The following SEMA3B variants were observed in gnomAD, a reference collection of about 807,000 sequenced individuals.
The protein encoded by SEMA3B is semaphorin-3B.
In SEMA3B, 71 loss-of-function variants were observed where a neutral mutation model predicts 77.8. The ratio of observed to expected loss-of-function variants is 0.91; its 90% CI spans 0.75 to 1.11. The LOEUF (loss-of-function observed/expected upper bound fraction) is 1.11, where lower values mean the gene tolerates loss of function less well. Ranked by LOEUF, SEMA3B falls within the 50% of genes most tolerant of loss-of-function variation. The pLI is 0.00. For synonymous variants in SEMA3B, 470 were observed against 452.9 expected (o/e 1.04, Z -0.48); for missense variants, 968 against 1,056.8 (o/e 0.92, Z 1.17).
In SEMA3B at chr3:50,275,231, G is replaced by T; in HGVS notation, c.1492-71G>T. ...TGTTCCCATCTGTCGAGTGGAAGAA[G>T]GGATCCCTGACCGATGGGAGGCAGG... On this transcript the variant is annotated intron_variant, in intron 13 of 16. Coordinates refer to ENST00000616701, the MANE Select transcript of SEMA3B (RefSeq NM_001290060.2). The surrounding 1 kb of genome is among the most constrained non-coding windows in gnomAD (Gnocchi z 7.5). The T allele has an allele frequency of 6.8e-7, 1 of 1,468,908 alleles. No homozygotes were observed. The highest frequency in any genetic ancestry group is 1.4e-5 in the South Asian group (1 of 73,360). 91.0% of individuals were successfully genotyped at this position (1,468,908 alleles called of 1,614,324 possible).
chr3:50,268,969 G>C, upstream of SEMA3B: 1 of 535,070 alleles, frequency 1.9e-6, no homozygotes. Flanking sequence ...TGCCAGTGCA[G>C]GGTGACCCTG....
At chr3:50,271,851 C>T (rs1553705436) in intron 6 of SEMA3B, among the ~76,000 whole-genome samples, 1 of 150,322 alleles carries the variant, frequency 6.7e-6, no homozygotes, top group East Asian at 1.9e-4. Flanking sequence ...GCATTCCAGG[C>T]AGAGGGAGCA....
chr3:50,264,078 C>A (rs1046024708), upstream of SEMA3B, among the ~76,000 whole-genome samples: 7 of 152,020 alleles, frequency 4.6e-5, no homozygotes, highest in African/African-American at 1.7e-4. Flanking sequence ...GGCATGGTGG[C>A]ACATGCCTGT....
Position 50,273,047 on chromosome 3 carries a change from G to A in SEMA3B, c.665-251G>A, listed in dbSNP as rs956692529. On this transcript the variant is annotated intron_variant, in intron 6 of 16. Transcript: ENST00000616701. The surrounding 1 kb of genome is among the most constrained non-coding windows in gnomAD (Gnocchi z 6.5). The stretch of plus-strand genomic sequence containing the variant: ...TGGGGCGAGATCGGAGGCTAGCCGG[G>A]CTTCACGCCTGCGCCCCCAGGTAGC... The A allele has an allele frequency of 2.0e-5, 10 of 502,156 alleles. No individual in the cohort carries two copies. Among genetic ancestry groups the A allele is most frequent in the Non-Finnish European group, 3.5e-5 (10 of 286,220 alleles). The allele number at this position is 502,156 out of a possible 1,614,324, so 31.1% of individuals were successfully genotyped here. A position where few individuals can be genotyped will look rare whatever the true frequency, so the allele number is the denominator to read the frequency against.
In SEMA3B at chr3:50,269,282, C is replaced by T. The variant is rs1700979660; in HGVS notation, c.42C>T (p.Ala14=). The T allele has an allele frequency of 1.9e-6, 3 of 1,538,862 alleles. No homozygotes were observed. The highest frequency in any genetic ancestry group is 1.7e-6 in the Non-Finnish European group (2 of 1,146,640). ...CTGCCGCCGTGATCCCGGGCCTGGC[C>T]CTGCTCTGGGCAGTGGGGCTGGGGA... ...AGAAAVIPGL[A]LLWAVGLGSA... is the part of the protein sequence containing the mutation. The change falls in exon 1 of 17, where the codon GCC becomes GCT. Residue 14 remains alanine, a synonymous_variant. Coordinates refer to ENST00000616701, the MANE Select transcript of SEMA3B (RefSeq NM_001290060.2). This position sits in a 1 kb window ranked among gnomAD's most constrained non-coding sequence, Gnocchi z 4.0.
At position 50,273,117 on chromosome 3, in the gene SEMA3B, C is replaced by T; in HGVS notation, c.665-181C>T. On this transcript the variant is annotated intron_variant, in intron 6 of 16. Transcript: ENST00000616701. This position sits in a 1 kb window ranked among gnomAD's most constrained non-coding sequence, Gnocchi z 6.5. Reference sequence around the variant, plus strand: ...TCGCGGCTGCTTCTTGCCTCGCAGGCCCTGATCCTTTGGATTCGGTCCGCG... The same window carrying T: ...TCGCGGCTGCTTCTTGCCTCGCAGGTCCTGATCCTTTGGATTCGGTCCGCG... 1 of 994,984 alleles carries T rather than the reference C, an allele frequency of 1.0e-6. No individual in the cohort carries two copies. Among genetic ancestry groups the T allele is most frequent in the South Asian group, 1.7e-5 (1 of 57,596 alleles). The allele number at this position is 994,984 out of a possible 1,614,324, so 61.6% of individuals were successfully genotyped here. A position where few individuals can be genotyped will look rare whatever the true frequency, so the allele number is the denominator to read the frequency against.
Position 50,269,253 on chromosome 3 carries a change from G to A in SEMA3B, c.13G>A (p.Gly5Arg), listed in dbSNP as rs1273908867. The change falls in exon 1 of 17, where the codon GGG (glycine) becomes AGG (arginine). Residue 5 changes from glycine to arginine, a missense_variant. By Grantham distance (125) the Gly-to-Arg change is moderately radical. Transcript: ENST00000616701. The surrounding 1 kb of genome is among the most constrained non-coding windows in gnomAD (Gnocchi z 4.0). MGRA[G>R]AAAVIPGLAL... is the part of the protein sequence containing the mutation. ...CTGAGCTGCTGAGATGGGGCGGGCC[G>A]GGGCTGCCGCCGTGATCCCGGGCCT... 1.3e-5 allele frequency: 20 copies of A among 1,536,352 alleles called. No homozygotes were observed. Among genetic ancestry groups the A allele is most frequent in the African/African-American group, 8.2e-5 (6 of 73,136 alleles).
intron 6 of SEMA3B, 67 bp downstream of exon 6, chr3:50,271,547 C>A: frequency 6.5e-7 from 1 of 1,544,454 alleles, no homozygotes; most frequent in South Asian, 1.2e-5. Flanking sequence ...CCAAGCAAGG[C>A]CCATAAAGTA....
In SEMA3B at chr3:50,274,407, C is replaced by G; in HGVS notation, c.1182C>G (p.Phe394Leu). 6.6e-7 allele frequency: 1 copy of G among 1,508,900 alleles called. No individual in the cohort carries two copies. Among genetic ancestry groups the G allele is most frequent in the Non-Finnish European group, 8.9e-7 (1 of 1,129,856 alleles). The allele number at this position is 1,508,900 out of a possible 1,614,324, so 93.5% of individuals were successfully genotyped here. A position where few individuals can be genotyped will look rare whatever the true frequency, so the allele number is the denominator to read the frequency against. The change falls in exon 11 of 17, where the codon TTC (phenylalanine) becomes TTG (leucine). Residue 394 changes from phenylalanine to leucine, a missense_variant. Coordinates refer to ENST00000616701, the MANE Select transcript of SEMA3B (RefSeq NM_001290060.2). The surrounding 1 kb of genome is among the most constrained non-coding windows in gnomAD (Gnocchi z 4.7). ...TFGTFSSTKDFPDDVIQFARN... is the reference protein window; with the variant it reads ...TFGTFSSTKDLPDDVIQFARN... ...GCACCTTCAGTTCCACCAAGGACTT[C>G]CCAGACGATGTCATCCAGTTTGCGC...
rs1553706378 is a variant in SEMA3B, at chr3:50,275,428, G to A, written c.1618G>A (p.Ala540Thr). Residue 540 changes from alanine (A) to threonine (T), a missense_variant, in exon 14 of 17, where the codon GCG becomes ACG. Physicochemically the swap from Ala to Thr is moderately conservative, Grantham distance 58. Coordinates refer to ENST00000616701, the MANE Select transcript of SEMA3B (RefSeq NM_001290060.2). The surrounding 1 kb of genome is among the most constrained non-coding windows in gnomAD (Gnocchi z 7.5). ...RDPYCAWDGV[A>T]CTRFQPSAKR... ...CCCCTACTGCGCCTGGGACGGGGTC[G>A]CGTGCACGCGCTTCCAGCCCAGTGC... 1.9e-6 allele frequency: 3 copies of A among 1,604,228 alleles called. No homozygotes were observed. The African/African-American group carries it at 4.0e-5, about 21-fold the overall frequency.
At position 50,274,782 on chromosome 3, in the gene SEMA3B, G is replaced by A; in HGVS notation, c.1358-61G>A. 9 of 1,562,420 alleles carry A rather than the reference G, an allele frequency of 5.8e-6. No individual in the cohort carries two copies. In the Middle Eastern group the frequency reaches 1.4e-3, roughly 239 times the overall value. On this transcript the variant is annotated intron_variant, in intron 11 of 16. Transcript: ENST00000616701. The surrounding 1 kb of genome is among the most constrained non-coding windows in gnomAD (Gnocchi z 4.7). ...TGAGGGTAGACGCCTCAAAGGCGAG[G>A]AGACACTAGCCCCAGCTGTCCGGGA... is the stretch of plus-strand genomic sequence containing the variant.
At position 50,269,414 on chromosome 3, in the gene SEMA3B, C is replaced by T; in HGVS notation, c.109+65C>T. ...GGGCAGGAAAGGGTCCCCGTATGGC[C>T]AGGGGGCTCTGTGTTGGCTGTTGCC... On this transcript the variant is annotated intron_variant, in intron 1 of 16. Coordinates refer to ENST00000616701, the MANE Select transcript of SEMA3B (RefSeq NM_001290060.2). This position sits in a 1 kb window ranked among gnomAD's most constrained non-coding sequence, Gnocchi z 4.0. 5.1e-6 allele frequency: 5 copies of T among 980,392 alleles called. No individual in the cohort carries two copies. Among genetic ancestry groups the T allele is most frequent in the Non-Finnish European group, 7.3e-6 (5 of 681,502 alleles). The allele number at this position is 980,392 out of a possible 1,614,324, so 60.7% of individuals were successfully genotyped here. A position where few individuals can be genotyped will look rare whatever the true frequency, so the allele number is the denominator to read the frequency against.
rs1405573335 is a variant in SEMA3B at position 50,271,201 on chromosome 3, C to A, written c.544+20C>A. ...TGGTGGGTGAGTCCAAGGGCTAAGG[C>A]CCCAAGAGAACCCCTTAGAAACTCT... On this transcript the variant is annotated intron_variant, in intron 5 of 16. Coordinates refer to ENST00000616701, the MANE Select transcript of SEMA3B (RefSeq NM_001290060.2). 9.6e-6 allele frequency: 15 copies of A among 1,556,666 alleles called. No homozygotes were observed. The highest frequency in any genetic ancestry group is 4.1e-5 in the African/African-American group (3 of 73,330).
rs1700980593 is a variant in SEMA3B at position 50,269,315 on chromosome 3, C to T, written c.75C>T (p.Ala25=). The change falls in exon 1 of 17, where the codon GCC becomes GCT. Residue 25 remains alanine, a synonymous_variant. Transcript: ENST00000616701. This position sits in a 1 kb window ranked among gnomAD's most constrained non-coding sequence, Gnocchi z 4.0. ...GGGCAGTGGGGCTGGGGAGTGCCGC[C>T]CCCAGCCCCCCACGCCTTCGGCTCT... The part of the protein sequence containing the change: ...LLWAVGLGSA[A]PSPPRLRLSF... 2 of 1,524,828 alleles carry T rather than the reference C, an allele frequency of 1.3e-6. No individual in the cohort carries two copies. Among genetic ancestry groups the T allele is most frequent in the Non-Finnish European group, 1.8e-6 (2 of 1,140,898 alleles). The allele number at this position is 1,524,828 out of a possible 1,614,324, so 94.5% of individuals were successfully genotyped here. A position where few individuals can be genotyped will look rare whatever the true frequency, so the allele number is the denominator to read the frequency against.
Position 50,276,089 on chromosome 3 carries a change from C to A in SEMA3B, c.1846-213C>A. ...CTCCCATTAAGGTCCCTGACCACCC[C>A]CCACCAAGTTCATGTAAACCCCGCC... On this transcript the variant is annotated intron_variant, in intron 16 of 16. Transcript: ENST00000616701. The surrounding 1 kb of genome is among the most constrained non-coding windows in gnomAD (Gnocchi z 5.8). The A allele has an allele frequency of 3.8e-6, 3 of 789,196 alleles. No homozygotes were observed. The highest frequency in any genetic ancestry group is 3.9e-6 in the Non-Finnish European group (2 of 518,706). The allele number at this position is 789,196 out of a possible 1,614,324, so 48.9% of individuals were successfully genotyped here.
In SEMA3B at chr3:50,276,341, C is replaced by G. The variant is rs1246412130; in HGVS notation, c.1885C>G (p.Leu629Val). 6.5e-7 allele frequency: 1 copy of G among 1,530,930 alleles called. No individual in the cohort carries two copies. The highest frequency in any genetic ancestry group is 1.4e-5 in the African/African-American group (1 of 72,660). 94.8% of individuals were successfully genotyped at this position (1,530,930 alleles called of 1,614,324 possible). A position where few individuals can be genotyped will look rare whatever the true frequency, so the allele number is the denominator to read the frequency against. ...GCGCACCGAGCGCACCGCCCGGGGACTACTGCTGCGCAGGCTGCGGCGCCG... is the reference window on the plus strand; with the variant it reads ...GCGCACCGAGCGCACCGCCCGGGGAGTACTGCTGCGCAGGCTGCGGCGCCG... The part of the protein sequence containing the change: ...EERTERTARG[L>V]LLRRLRRRDS... Residue 629 changes from leucine (L) to valine (V), a missense_variant, in exon 17 of 17, where the codon CTA (leucine) becomes GTA (valine). By Grantham distance (32) the Leu-to-Val change is conservative (BLOSUM62 1). Coordinates refer to ENST00000616701, the MANE Select transcript of SEMA3B (RefSeq NM_001290060.2). This position sits in a 1 kb window ranked among gnomAD's most constrained non-coding sequence, Gnocchi z 5.8.
rs1553705203 is a variant in SEMA3B, at chr3:50,270,778, G to A, written c.331-112G>A. On this transcript the variant is annotated intron_variant, in intron 3 of 16. Coordinates refer to ENST00000616701, the MANE Select transcript of SEMA3B (RefSeq NM_001290060.2). The surrounding 1 kb of genome is among the most constrained non-coding windows in gnomAD (Gnocchi z 4.7). ...CCCCAGGTCCCTGTAGCCCATGTTA[G>A]TACTTGCCTGGGCTGATGCCGAAGA... 6.7e-7 allele frequency: 1 copy of A among 1,491,112 alleles called. No individual in the cohort carries two copies. The highest frequency in any genetic ancestry group is 9.0e-7 in the Non-Finnish European group (1 of 1,107,164). 92.4% of individuals were successfully genotyped at this position (1,491,112 alleles called of 1,614,324 possible). A position where few individuals can be genotyped will look rare whatever the true frequency, so the allele number is the denominator to read the frequency against.
At chr3:50,266,716 G>A (rs1207322081), upstream of SEMA3B, 1 of 152,220 alleles carries the variant, frequency 6.6e-6, no homozygotes, top group Non-Finnish European at 1.5e-5. Context: ...AGTCCCTCCA[G>A]AGAAGTACCC....
Position 50,273,344 on chromosome 3 carries a change from AGAC to A in SEMA3B, c.718_720del (p.Asp240del), listed in dbSNP as rs1701111306. 1.9e-6 allele frequency: 3 copies of A among 1,613,900 alleles called. No homozygotes were observed. Among genetic ancestry groups the A allele is most frequent in the East Asian group, 2.2e-5 (1 of 44,892 alleles). ...TTTGGATCCCGGAGAGCGAGAACCC[AGAC>A]GACGACAAAATCTACTTCTTCTTTC... is the stretch of plus-strand genomic sequence containing the variant. On this transcript the variant is annotated inframe_deletion, in exon 7 of 17. Transcript: ENST00000616701. This position sits in a 1 kb window ranked among gnomAD's most constrained non-coding sequence, Gnocchi z 6.5.
Sources: allele counts gnomAD v4.1 joint callset (sites outside exome capture counted in the v4.1 genomes callset), GRCh38; gene constraint gnomAD v4.1.1; non-coding constraint Gnocchi (gnomAD v3.1); transcripts MANE v1.5; gene names NCBI Gene and HGNC (gene_info 2026-07-23, HGNC 2026-07-21).